Variants in ANKS1A observed in about 807,000 individuals in gnomAD.
ANKS1A encodes the protein ankyrin repeat and sterile alpha motif domain containing 1A.
In ANKS1A, 55 loss-of-function variants were observed where a neutral mutation model predicts 120.3. The ratio of observed to expected loss-of-function variants is 0.46; its 90% CI spans 0.37 to 0.57. The LOEUF is 0.57. Ranked by LOEUF, ANKS1A falls within the 20% of genes least tolerant of loss-of-function variation. The pLI, the probability that ANKS1A is intolerant of heterozygous loss-of-function variation, is 0.00. For missense variants in ANKS1A, 1,123 were observed against 1,480.3 expected (o/e 0.76, Z 3.96); for synonymous variants, 590 against 604.7 (o/e 0.98, Z 0.36).
At chr6:35,034,325 C>G (rs571183987) in intron 11 of ANKS1A, among the ~76,000 whole-genome samples, 2 of 152,050 alleles carry the variant, frequency 1.3e-5, no homozygotes, top group Admixed American at 6.5e-5. Context: ...GAGTCAAACC[C>G]GAGACAGACT....
chr6:34,934,613 A>G (rs3800447), intron 1 of ANKS1A, among the ~76,000 whole-genome samples: 8,899 of 152,348 alleles, frequency 0.058, 517 homozygotes, highest in East Asian at 0.33. Flanking sequence ...TTCAGCGGTC[A>G]TGCTTACATC....
intron 10 of ANKS1A, among the ~76,000 whole-genome samples, chr6:35,002,374 G>A (rs1021298805): frequency 4.6e-5 from 7 of 152,148 alleles, no homozygotes; most frequent in Non-Finnish European, 1.0e-4. Context: ...ACTGGTCCAC[G>A]CATGGCCGAA....
intron 11 of ANKS1A, among the ~76,000 whole-genome samples, chr6:35,051,631 G>A (rs1020890270): frequency 6.6e-6 from 1 of 152,178 alleles, no homozygotes; most frequent in African/African-American, 2.4e-5. Context: ...GGCCCAGCGG[G>A]TGACAAGGCA....
intron 8 of ANKS1A, among the ~76,000 whole-genome samples, chr6:34,986,325 C>T (rs1449078927): frequency 6.6e-6 from 1 of 152,220 alleles, no homozygotes; most frequent in Non-Finnish European, 1.5e-5. Flanking sequence ...TTACCCCTGG[C>T]TTCTCCCCTA....
chr6:34,950,835 A>G (rs930037314), intron 1 of ANKS1A, among the ~76,000 whole-genome samples: 2 of 152,160 alleles, frequency 1.3e-5, no homozygotes, highest in Admixed American at 1.3e-4. Flanking sequence ...ACTTAGCAGG[A>G]TTCTTGCTAA....
intron 11 of ANKS1A, among the ~76,000 whole-genome samples, chr6:35,032,546 A>C (rs1479146069): frequency 6.6e-6 from 1 of 152,196 alleles, no homozygotes; most frequent in South Asian, 2.1e-4. Flanking sequence ...GTCCTTGATT[A>C]AGGGCCTCAG....
chr6:35,090,522 A>T lies in ANKS1A; in HGVS notation c.*1913A>T, dbSNP rs1778244276. ...TGAAGCTGCTATATCATCTTTATTT[A>T]TTCAGGGTATTTTCATATTGGAAGC... On this transcript the variant is annotated 3_prime_UTR_variant, in exon 24 of 24. Transcript: ENST00000360359. 2 of 1,046,744 alleles carry T rather than the reference A, an allele frequency of 1.9e-6. No individual in the cohort carries two copies. Among genetic ancestry groups the T allele is most frequent in the South Asian group, 3.3e-5 (1 of 30,274 alleles). 64.8% of individuals were successfully genotyped at this position (1,046,744 alleles called of 1,614,324 possible). A position where few individuals can be genotyped will look rare whatever the true frequency, so the allele number is the denominator to read the frequency against.
At chr6:35,081,427 G>A (rs903624467) in intron 17 of ANKS1A, among the ~76,000 whole-genome samples, 8 of 152,110 alleles carry the variant, frequency 5.3e-5, no homozygotes, top group Non-Finnish European at 7.4e-5. Flanking sequence ...TCCCTCAGGG[G>A]TTCAGATCCC....
chr6:34,969,333 A>C (rs1053326529), intron 2 of ANKS1A, among the ~76,000 whole-genome samples: 1 of 152,146 alleles, frequency 6.6e-6, no homozygotes, highest in African/African-American at 2.4e-5. Context: ...AGCTCACTAC[A>C]ACCTCTGCCT....
chr6:34,974,838 A>G (rs2127519166), intron 3 of ANKS1A, among the ~76,000 whole-genome samples: 1 of 152,314 alleles, frequency 6.6e-6, no homozygotes, highest in African/African-American at 2.4e-5. Flanking sequence ...TATGTAATGT[A>G]TTTCTGCAAA....
chr6:35,079,827 A>G lies in ANKS1A; in HGVS notation c.2443A>G (p.Lys815Glu). 1 of 1,581,610 alleles carries G rather than the reference A, an allele frequency of 6.3e-7. No individual in the cohort carries two copies. The highest frequency in any genetic ancestry group is 8.6e-7 in the Non-Finnish European group (1 of 1,163,704). The change falls in exon 16 of 24, where the codon AAG becomes GAG. Residue 815 changes from lysine to glutamate, a missense_variant. Lys to Glu is a moderately conservative substitution (Grantham distance 56, BLOSUM62 1). Around this residue, in one of 3 missense-constraint regions of ANKS1A, gnomAD observed 904 missense variants for 1,130.4 expected, o/e 0.80. Coordinates refer to ENST00000360359, the MANE Select transcript of ANKS1A (RefSeq NM_015245.3). ...LWELELVNVL[K>E]VQLLGHRKRI... ...GCTGCTCCTCATCACCCAGGTCCTG[A>G]AGGTCCAGCTGCTCGGCCATCGCAA...
chr6:34,936,793 C>T (rs892529185), intron 1 of ANKS1A, among the ~76,000 whole-genome samples: 2 of 152,080 alleles, frequency 1.3e-5, no homozygotes, highest in Non-Finnish European at 2.9e-5. Flanking sequence ...ATATATTCCC[C>T]GTGACACCTA....
At chr6:34,936,111 T>G (rs944423001) in intron 1 of ANKS1A, among the ~76,000 whole-genome samples, 15 of 140,776 alleles carry the variant, frequency 1.1e-4, no homozygotes, top group Admixed American at 5.7e-4. Context: ...GAAGTGGTGG[T>G]GAGATTAGCA....
At chr6:34,898,145 C>A (rs1365487472) in intron 1 of ANKS1A, among the ~76,000 whole-genome samples, 1 of 152,108 alleles carries the variant, frequency 6.6e-6, no homozygotes, top group Non-Finnish European at 1.5e-5. Context: ...TGCTTGCCAC[C>A]CTTGATGAAT....
intron 11 of ANKS1A, among the ~76,000 whole-genome samples, chr6:35,020,482 A>G (rs972302831): frequency 5.3e-5 from 8 of 152,184 alleles, no homozygotes; most frequent in Non-Finnish European, 1.0e-4. Flanking sequence ...TGGATATGCT[A>G]TCAAGGCAGT....
chr6:35,065,095 A>C (rs1247672136), intron 13 of ANKS1A, among the ~76,000 whole-genome samples: 1 of 152,086 alleles, frequency 6.6e-6, no homozygotes, highest in African/African-American at 2.4e-5. Context: ...GGGCCTCACC[A>C]TCTCTGCCAG....
chr6:35,070,341 T>C (rs967226960), intron 13 of ANKS1A, among the ~76,000 whole-genome samples: 2 of 152,046 alleles, frequency 1.3e-5, no homozygotes, highest in African/African-American at 4.8e-5. Flanking sequence ...CAGGTCTTTT[T>C]CCGATCCTGA....
intron 1 of ANKS1A, among the ~76,000 whole-genome samples, chr6:34,959,050 T>C (rs2127499315): frequency 6.6e-6 from 1 of 152,350 alleles, no homozygotes; most frequent in South Asian, 2.1e-4. Flanking sequence ...CTTGTCTGTG[T>C]AAAGTAAGCA....
chr6:35,085,633 G>T lies in ANKS1A; in HGVS notation c.3133-133G>T. On this transcript the variant is annotated intron_variant, in intron 21 of 23. Coordinates refer to ENST00000360359, the MANE Select transcript of ANKS1A (RefSeq NM_015245.3). This position sits in a 1 kb window ranked among gnomAD's most constrained non-coding sequence, Gnocchi z 4.7. ...AGGAAGAGTAAAGGAGGGAAAGGAG[G>T]GAAGAGTGGAAGGAGGTAGGAGCGC... 1.2e-6 allele frequency: 1 copy of T among 806,772 alleles called. No individual in the cohort carries two copies. The highest frequency in any genetic ancestry group is 1.9e-6 in the Non-Finnish European group (1 of 536,898). The allele number at this position is 806,772 out of a possible 1,614,324, so 50.0% of individuals were successfully genotyped here.
Sources: gnomAD v4.1 joint callset for allele counts (sites outside exome capture counted in the v4.1 genomes callset) on GRCh38, gnomAD v4.1.1 for gene constraint, gnomAD v4.1.1 regional missense constraint, Gnocchi (gnomAD v3.1) non-coding constraint, MANE v1.5 for transcripts, NCBI Gene and HGNC (gene_info 2026-07-23, HGNC 2026-07-21) for gene names.